Variants in SAMD8 observed in about 807,000 individuals in gnomAD.
SAMD8 encodes sterile alpha motif domain containing 8.
A neutral mutation model predicts 42.0 loss-of-function variants in SAMD8; 20 were observed. That is an observed-to-expected ratio of 0.48 (90% confidence interval 0.34 to 0.69). The LOEUF (loss-of-function observed/expected upper bound fraction) is 0.69. Ranked by LOEUF, SAMD8 falls within the 30% of genes least tolerant of loss-of-function variation. The pLI, the probability that SAMD8 is intolerant of heterozygous loss-of-function variation, is 0.01. For synonymous variants in SAMD8, 162 were observed against 173.0 expected, an observed-to-expected ratio of 0.94 and a Z score of 0.50; for missense variants, 328 against 511.6, an observed-to-expected ratio of 0.64 and a Z score of 3.46.
upstream of SAMD8, among the ~76,000 whole-genome samples, chr10:75,111,267 C>G (rs549888768): frequency 1.5e-4 from 23 of 152,340 alleles, no homozygotes; most frequent in East Asian, 4.2e-3. Flanking sequence ...TCCTTCTAGG[C>G]CCTAACCCCA....
chr10:75,174,205 C>G (rs1247252651), intron 4 of SAMD8, among the ~76,000 whole-genome samples: 1 of 152,180 alleles, frequency 6.6e-6, no homozygotes, highest in African/African-American at 2.4e-5. Flanking sequence ...TCTCTGTTCA[C>G]TGCAAGCTCC....
In SAMD8 at chr10:75,101,495, T is replaced by C. The variant is rs74449866; in HGVS notation, c.-16+1767T>C. Among the ~76,000 whole-genome samples, 676 of 152,316 alleles carry C rather than the reference T, an allele frequency of 4.4e-3. 5 individuals carry two copies. Among genetic ancestry groups the C allele is most frequent in the African/African-American group, 0.015 (634 of 41,568 alleles). On this transcript the variant is annotated intron_variant, in intron 1 of 3. Coordinates refer to the SAMD8 transcript ENST00000447533. ...TCTCTGTCCAGCAATAATTGTTATA[T>C]TTAGCACTCATCAAGGATGTACTAT...
intron 1 of SAMD8, among the ~76,000 whole-genome samples, chr10:75,113,382 T>C (rs1848814957): frequency 6.6e-6 from 1 of 151,840 alleles, no homozygotes; most frequent in African/African-American, 2.4e-5. Flanking sequence ...TTTTCTTTTC[T>C]TTCCTTTCTT....
At chr10:75,163,678 G>GT (rs1840611671) in intron 2 of SAMD8, among the ~76,000 whole-genome samples, 1 of 151,908 alleles carries the variant, frequency 6.6e-6, no homozygotes, top group South Asian at 2.1e-4. Context: ...GAACTCCTGA[G>GT]TTTAAGTAGT....
Position 75,179,600 on chromosome 10 carries a change from G to A in SAMD8, c.*2908G>A, listed in dbSNP as rs1366948144. On this transcript the variant is annotated 3_prime_UTR_variant, in exon 6 of 6. Coordinates refer to ENST00000542569, the MANE Select transcript of SAMD8 (RefSeq NM_001174156.2). ...TTATTGTTTTAACTATTATAAGGCAGTGTTTACATAAATTAATCATCTCTT... is the reference window on the plus strand; with the variant it reads ...TTATTGTTTTAACTATTATAAGGCAATGTTTACATAAATTAATCATCTCTT... 1 of 152,158 alleles carries A rather than the reference G, an allele frequency of 6.6e-6. No homozygotes were observed. The highest frequency in any genetic ancestry group is 1.5e-5 in the Non-Finnish European group (1 of 68,028). The allele number at this position is 152,158 out of a possible 1,614,324, so 9.4% of individuals were successfully genotyped here.
chr10:75,173,703 T>TC (rs1247533069), intron 4 of SAMD8, among the ~76,000 whole-genome samples: 3 of 152,226 alleles, frequency 2.0e-5, no homozygotes, highest in Non-Finnish European at 4.4e-5. Flanking sequence ...AATAAATTCT[T>TC]CTTCCTTTCT....
At chr10:75,170,770 GT>G (rs34290557) in intron 4 of SAMD8, among the ~76,000 whole-genome samples, 41,821 of 105,010 alleles carry the variant, frequency 0.4, 5,876 homozygotes, top group East Asian at 0.66. Flanking sequence ...GTTTTTTTGG[GT>G]TTTTTTTTTT....
At chr10:75,122,658 C>T (rs547350099) in intron 1 of SAMD8, among the ~76,000 whole-genome samples, 1 of 151,826 alleles carries the variant, frequency 6.6e-6, no homozygotes, top group African/African-American at 2.4e-5. Context: ...TGGCTCTCTC[C>T]TGTAAACCCA....
In SAMD8 at chr10:75,178,522, A is replaced by AT. The variant is rs1445265923; in HGVS notation, c.*1831dup. 1 of 100,554 alleles carries AT rather than the reference A, an allele frequency of 9.9e-6. No individual in the cohort carries two copies. The highest frequency in any genetic ancestry group is 2.0e-5 in the Non-Finnish European group (1 of 48,988). 6.2% of individuals were successfully genotyped at this position (100,554 alleles called of 1,614,324 possible). On this transcript the variant is annotated 3_prime_UTR_variant, in exon 6 of 6. Transcript: ENST00000542569. Reference sequence around the variant, plus strand: ...ACTGAATTTAGCTAGGGAGGCAGTGATGTTGGCTTTTGGGAAAGGGTTCAA... The same window carrying AT: ...ACTGAATTTAGCTAGGGAGGCAGTGATTGTTGGCTTTTGGGAAAGGGTTCAA...
rs556631238 is a variant in SAMD8, at chr10:75,113,782, A to G, written c.-16+2060A>G. Among the ~76,000 whole-genome samples, 24 of 152,340 alleles carry G rather than the reference A, an allele frequency of 1.6e-4. 1 individual carries two copies. The highest frequency in any genetic ancestry group is 7.2e-5 in the African/African-American group (3 of 41,578). ...AATTATCTTCAGTTGAAGTTTATGT[A>G]ATATTACTGTTTGTTGGTTTTATCT... is the stretch of plus-strand genomic sequence containing the variant. On this transcript the variant is annotated intron_variant, in intron 1 of 5. Transcript: ENST00000542569.
At chr10:75,164,562 T>C in intron 2 of SAMD8, 83 bp from the exon 3 acceptor site, 2 of 1,541,146 alleles carry the variant, frequency 1.3e-6, no homozygotes, top group Non-Finnish European at 1.8e-6. Flanking sequence ...TTAAGGTCAT[T>C]ATTAAAAGAG....
At chr10:75,161,715 A>G (rs1186879088) in intron 2 of SAMD8, among the ~76,000 whole-genome samples, 1 of 151,850 alleles carries the variant, frequency 6.6e-6, no homozygotes, top group East Asian at 1.9e-4. Flanking sequence ...AAAAAAAAAA[A>G]GTAGAGATTT....
At position 75,176,707 on chromosome 10, in the gene SAMD8, A is replaced by C. The variant is rs1270896030; in HGVS notation, c.*15A>C. 1 of 1,483,404 alleles carries C rather than the reference A, an allele frequency of 6.7e-7. No individual in the cohort carries two copies. The highest frequency in any genetic ancestry group is 2.5e-5 in the East Asian group (1 of 40,518). The allele number at this position is 1,483,404 out of a possible 1,614,324, so 91.9% of individuals were successfully genotyped here. ...TAATTGGATGAATACTATCTTTCTA[A>C]TGAATTTGTGATTAAATATATAATA... On this transcript the variant is annotated 3_prime_UTR_variant, in exon 6 of 6. Coordinates refer to ENST00000542569, the MANE Select transcript of SAMD8 (RefSeq NM_001174156.2). This position sits in a 1 kb window ranked among gnomAD's most constrained non-coding sequence, Gnocchi z 4.3.
chr10:75,103,972 G>C, intron 1 of SAMD8: 1 of 1,337,402 alleles, frequency 7.5e-7, no homozygotes, highest in Non-Finnish European at 9.9e-7. Context: ...CTCTAGGGCC[G>C]ACCCCACGCT....
intron 1 of SAMD8, among the ~76,000 whole-genome samples, chr10:75,143,966 C>CTTTTTTTTTTTTTTTTTTTTTTTTGTT (rs536028273): frequency 7.4e-6 from 1 of 135,012 alleles, no homozygotes. Context: ...ATAATTTAAA[C>CTTTTTTTTTTTTTTTTTTTTTTTTGTT]TTTTTTTTTT....
At chr10:75,111,437 C>G, upstream of SAMD8, 1 of 1,081,622 alleles carries the variant, frequency 9.2e-7, no homozygotes, top group Non-Finnish European at 1.2e-6. Context: ...CAGTGTGGGC[C>G]CCGCCCCCTG....
intron 1 of SAMD8, among the ~76,000 whole-genome samples, chr10:75,103,689 G>A (rs1304052100): frequency 6.6e-6 from 1 of 152,236 alleles, no homozygotes; most frequent in African/African-American, 2.4e-5. Context: ...GGGTCTCTGA[G>A]GTCTGAGCTC....
intron 1 of SAMD8, among the ~76,000 whole-genome samples, chr10:75,105,100 G>C (rs1236289434): frequency 6.6e-6 from 1 of 152,168 alleles, no homozygotes; most frequent in Non-Finnish European, 1.5e-5. Context: ...GGCAGGCCCT[G>C]CTGGGTGGGG....
chr10:75,156,638 C>CA (rs777186335), intron 2 of SAMD8, among the ~76,000 whole-genome samples: 12,858 of 136,924 alleles, frequency 0.094, 693 homozygotes, highest in African/African-American at 0.17. Context: ...TCATCTTGTC[C>CA]AAAAAAAAAA....
Sources: allele counts gnomAD v4.1 joint callset (sites outside exome capture counted in the v4.1 genomes callset), GRCh38; gene constraint gnomAD v4.1.1; non-coding constraint Gnocchi (gnomAD v3.1); transcripts MANE v1.5; gene names NCBI Gene and HGNC (gene_info 2026-07-23, HGNC 2026-07-21).